Variants in SLC44A5 observed in about 807,000 individuals in gnomAD.
SLC44A5 encodes the protein solute carrier family 44 member 5.
Under a neutral mutation model 101.8 loss-of-function variants are expected in SLC44A5, and 57 were observed. The observed-to-expected ratio is 0.56, with a 90% CI of 0.45 to 0.70. SLC44A5 has a LOEUF of 0.70. SLC44A5 is among the 30% of genes least tolerant of loss of function. SLC44A5 has a pLI of 0.00. For synonymous variants in SLC44A5, 281 were observed against 290.9 expected (o/e 0.97, Z 0.35); for missense variants, 737 against 853.1 (o/e 0.86, Z 1.70).
At chr1:75,518,186 A>G (rs1024967811) in intron 2 of SLC44A5, among the ~76,000 whole-genome samples, 1 of 152,224 alleles carries the variant, frequency 6.6e-6, no homozygotes, top group Non-Finnish European at 1.5e-5. Flanking sequence ...AAATTCGAGG[A>G]AATATTCAAA....
At chr1:75,575,558 C>T (rs189913832) in intron 1 of SLC44A5, among the ~76,000 whole-genome samples, 6 of 152,228 alleles carry the variant, frequency 3.9e-5, no homozygotes, top group African/African-American at 1.2e-4. Context: ...GGAAATTTAG[C>T]GCAGATCATG....
intron 2 of SLC44A5, among the ~76,000 whole-genome samples, chr1:75,525,486 A>G (rs1670359577): frequency 6.6e-6 from 1 of 152,216 alleles, no homozygotes; most frequent in Non-Finnish European, 1.5e-5. Context: ...AGACAAATCC[A>G]GAATGTGGGA....
At chr1:75,519,279 G>A (rs1326411823) in intron 2 of SLC44A5, among the ~76,000 whole-genome samples, 4 of 152,078 alleles carry the variant, frequency 2.6e-5, no homozygotes, top group South Asian at 2.1e-4. Context: ...CATTATTGGC[G>A]AGGTGTGGTG....
chr1:75,292,113 A>AT (rs961742479), intron 5 of SLC44A5, among the ~76,000 whole-genome samples: 7 of 151,396 alleles, frequency 4.6e-5, no homozygotes, highest in African/African-American at 1.7e-4. Flanking sequence ...CTACAGGGAG[A>AT]TTTTTTTTAG....
At chr1:75,567,027 C>T (rs948337709) in intron 1 of SLC44A5, among the ~76,000 whole-genome samples, 3 of 152,154 alleles carry the variant, frequency 2.0e-5, no homozygotes, top group African/African-American at 4.8e-5. Flanking sequence ...TCGTATTTTC[C>T]TAATCCAGTA....
In SLC44A5 at chr1:75,567,306, A is replaced by G. The variant is rs369343241; in HGVS notation, c.-69-25790T>C. Among the ~76,000 whole-genome samples, 33 of 152,216 alleles carry G rather than the reference A, an allele frequency of 2.2e-4. 1 individual carries two copies. In the East Asian group the frequency reaches 3.3e-3, roughly 15 times the overall value. ...CAACCTCAGAATTCACCCAGAAGATAGACGTCCTGTCCTGGCATTAGAACC... is the reference window on the plus strand; with the variant it reads ...CAACCTCAGAATTCACCCAGAAGATGGACGTCCTGTCCTGGCATTAGAACC... On this transcript the variant is annotated intron_variant, in intron 1 of 23. Coordinates refer to ENST00000370859, the MANE Select transcript of SLC44A5 (RefSeq NM_001130058.2).
the SLC44A5 span, among the ~76,000 whole-genome samples, chr1:75,722,230 C>T: frequency 6.6e-6 from 1 of 152,110 alleles, no homozygotes; most frequent in Admixed American, 6.5e-5. Flanking sequence ...GCCGATAGTA[C>T]GAGTATGGGA....
At chr1:75,298,182 CT>C (rs1654120764) in intron 5 of SLC44A5, among the ~76,000 whole-genome samples, 1 of 152,138 alleles carries the variant, frequency 6.6e-6, no homozygotes, top group East Asian at 1.9e-4. Flanking sequence ...CTAGTAACCT[CT>C]GCCATAGTTT....
the SLC44A5 span, among the ~76,000 whole-genome samples, chr1:75,635,123 T>C: frequency 2.2e-4 from 34 of 151,190 alleles, no homozygotes; most frequent in South Asian, 8.5e-4. Flanking sequence ...CATCTCACAC[T>C]AGTTAGAATG....
At chr1:75,376,109 A>G (rs1255169139) in intron 3 of SLC44A5, among the ~76,000 whole-genome samples, 1 of 152,194 alleles carries the variant, frequency 6.6e-6, no homozygotes, top group East Asian at 1.9e-4. Context: ...ACTCCCACCC[A>G]AATACTGCGC....
chr1:75,582,376 T>C (rs968086665), intron 1 of SLC44A5: 2 of 907,402 alleles, frequency 2.2e-6, no homozygotes, highest in East Asian at 4.8e-5. Context: ...ACAAGCTCCA[T>C]CGACTTGCCC....
chr1:75,691,619 C>A, the SLC44A5 span, among the ~76,000 whole-genome samples: 1 of 152,134 alleles, frequency 6.6e-6, no homozygotes, highest in Admixed American at 6.5e-5. Context: ...TTCTCCTAAT[C>A]CTTGGTTGGG....
chr1:75,628,952 G>A, the SLC44A5 span, among the ~76,000 whole-genome samples: 1 of 152,098 alleles, frequency 6.6e-6, no homozygotes, highest in Non-Finnish European at 1.5e-5. Flanking sequence ...CTAGTTGCAT[G>A]TTCTACCAGA....
At chr1:75,294,385 T>C (rs1328741481) in intron 5 of SLC44A5, among the ~76,000 whole-genome samples, 4 of 152,196 alleles carry the variant, frequency 2.6e-5, no homozygotes, top group African/African-American at 7.2e-5. Context: ...TTAGTAGGAA[T>C]GTAAATTAGT....
chr1:75,230,105 T>G (rs1240769091), intron 12 of SLC44A5, among the ~76,000 whole-genome samples: 3 of 152,346 alleles, frequency 2.0e-5, no homozygotes, highest in Admixed American at 2.0e-4. Context: ...CTGTTTAGCT[T>G]ATCAATTAGT....
At chr1:75,449,489 T>C (rs566834133) in intron 2 of SLC44A5, among the ~76,000 whole-genome samples, 1 of 152,266 alleles carries the variant, frequency 6.6e-6, no homozygotes, top group East Asian at 1.9e-4. Context: ...TTTGCCCCAC[T>C]CTCTTGGGGT....
At chr1:75,335,973 C>A (rs951882919) in intron 4 of SLC44A5, among the ~76,000 whole-genome samples, 1 of 152,090 alleles carries the variant, frequency 6.6e-6, no homozygotes, top group Non-Finnish European at 1.5e-5. Flanking sequence ...TGCTCTTTAG[C>A]TTTTCATATG....
intron 4 of SLC44A5, among the ~76,000 whole-genome samples, chr1:75,302,255 T>G (rs1227258624): frequency 3.3e-5 from 5 of 151,564 alleles, no homozygotes; most frequent in African/African-American, 1.2e-4. Flanking sequence ...AGTTGTTACA[T>G]ACCTCAACAC....
chr1:75,318,369 TTGAAAGAAAGAA>T (rs1189844730), intron 4 of SLC44A5, among the ~76,000 whole-genome samples: 19 of 118,112 alleles, frequency 1.6e-4, no homozygotes, highest in African/African-American at 6.1e-4. Flanking sequence ...ATCCCATCTC[TTGAAAGAAAGAA>T]AGAAAGAAAG....
Sources: allele counts gnomAD v4.1 joint callset (sites outside exome capture counted in the v4.1 genomes callset), GRCh38; gene constraint gnomAD v4.1.1; transcripts MANE v1.5; gene names NCBI Gene and HGNC (gene_info 2026-07-23, HGNC 2026-07-21).